The following DLGAP4 variants were observed in gnomAD, a reference collection of about 807,000 sequenced individuals.
The protein encoded by DLGAP4 is DLG associated protein 4.
DLGAP4 carries 18 observed loss-of-function variants against 86.9 expected under a neutral mutation model. The ratio of observed to expected loss-of-function variants is 0.21; its 90% CI spans 0.14 to 0.31. The LOEUF is 0.31. Among genes scored for constraint, DLGAP4 ranks in the 10% least tolerant of loss-of-function variants. The pLI, the probability that DLGAP4 is intolerant of heterozygous loss-of-function variation, is 1.00. For synonymous variants in DLGAP4, 548 were observed against 574.3 expected, an observed-to-expected ratio of 0.95 and a Z score of 0.65; for missense variants, 1,085 against 1,362.6, an observed-to-expected ratio of 0.80 and a Z score of 3.21.
chr20:36,497,215 A>ATT lies in DLGAP4; in HGVS notation c.2010+150_2010+151dup, dbSNP rs112564655. 2.2e-3 allele frequency: 3,244 copies of ATT among 1,447,022 alleles called. 72 individuals carry two copies. In the African/African-American group the frequency reaches 0.042, roughly 19 times the overall value. The allele number at this position is 1,447,022 out of a possible 1,614,324, so 89.6% of individuals were successfully genotyped here. A position where few individuals can be genotyped will look rare whatever the true frequency, so the allele number is the denominator to read the frequency against. On this transcript the variant is annotated intron_variant, in intron 8 of 12. Transcript: ENST00000339266. Reference sequence around the variant, plus strand: ...GATCAGCCCCAAGTGGCCAAACCGAATTCCACCCATAGCCACGCCTCGCTG... The same window carrying ATT: ...GATCAGCCCCAAGTGGCCAAACCGAATTTTCCACCCATAGCCACGCCTCGCTG...
At chr20:36,464,500 G>T (rs375910471) in intron 7 of DLGAP4, among the ~76,000 whole-genome samples, 1 of 152,060 alleles carries the variant, frequency 6.6e-6, no homozygotes, top group East Asian at 1.9e-4. Context: ...AGGTCAGGAG[G>T]TCGAGACTGC....
intron 7 of DLGAP4, among the ~76,000 whole-genome samples, chr20:36,489,306 G>T (rs1270007508): frequency 1.3e-5 from 2 of 152,150 alleles, no homozygotes; most frequent in Admixed American, 6.5e-5. Context: ...TGAAGTACCT[G>T]CTCAGGCCTG....
chr20:36,425,746 A>G (rs1055001552), intron 2 of DLGAP4, among the ~76,000 whole-genome samples: 1 of 152,260 alleles, frequency 6.6e-6, no homozygotes, highest in South Asian at 2.1e-4. Context: ...ACTTGAACCC[A>G]GGAGGCGGAG....
chr20:36,329,807 C>T (rs565374310), intron 1 of DLGAP4, among the ~76,000 whole-genome samples: 6 of 151,884 alleles, frequency 4.0e-5, no homozygotes, highest in Admixed American at 2.0e-4. Flanking sequence ...CCAAGTCAGG[C>T]GGATCACAAG....
chr20:36,424,524 C>T (rs539162848), intron 2 of DLGAP4, among the ~76,000 whole-genome samples: 17 of 152,252 alleles, frequency 1.1e-4, no homozygotes, highest in Non-Finnish European at 2.1e-4. Flanking sequence ...CAGCTCCTAG[C>T]GGGAACTTGG....
chr20:36,310,772 G>A (rs1482420187), intron 1 of DLGAP4, among the ~76,000 whole-genome samples: 1 of 152,178 alleles, frequency 6.6e-6, no homozygotes, highest in African/African-American at 2.4e-5. Flanking sequence ...GCGTGGGGCT[G>A]GCGAGGCTTG....
chr20:36,437,205 C>T (rs1354565540), intron 4 of DLGAP4, among the ~76,000 whole-genome samples: 6 of 152,190 alleles, frequency 3.9e-5, no homozygotes, highest in East Asian at 1.9e-4. Flanking sequence ...GAATTGACCT[C>T]GAAGAGCCCG....
intron 1 of DLGAP4, among the ~76,000 whole-genome samples, chr20:36,355,291 T>C (rs2030290195): frequency 1.3e-5 from 2 of 151,026 alleles, no homozygotes; most frequent in South Asian, 4.2e-4. Flanking sequence ...TTTTTCTTTC[T>C]TTCTTTCTTT....
chr20:36,494,235 C>G lies in DLGAP4; in HGVS notation c.1649-2470C>G, dbSNP rs1487362154. Among the ~76,000 whole-genome samples, 5 of 152,262 alleles carry G rather than the reference C, an allele frequency of 3.3e-5. No individual in the cohort carries two copies. In the East Asian group the frequency reaches 7.7e-4, roughly 24 times the overall value. Reference sequence around the variant, plus strand: ...TGGAACTCAGAGCACTTTGTGGCCTCTGGACTAGGCTGGGCACAAGGCACA... The same window carrying G: ...TGGAACTCAGAGCACTTTGTGGCCTGTGGACTAGGCTGGGCACAAGGCACA... On this transcript the variant is annotated intron_variant, in intron 7 of 12. Coordinates refer to ENST00000339266, the MANE Select transcript of DLGAP4 (RefSeq NM_001365621.2).
At chr20:36,359,455 A>G (rs2030442142) in intron 1 of DLGAP4, among the ~76,000 whole-genome samples, 1 of 152,142 alleles carries the variant, frequency 6.6e-6, no homozygotes, top group African/African-American at 2.4e-5. Flanking sequence ...ATCCGTGCCC[A>G]TGTGTTATTT....
chr20:36,325,490 A>G (rs1303876876), intron 1 of DLGAP4, among the ~76,000 whole-genome samples: 1 of 152,092 alleles, frequency 6.6e-6, no homozygotes, highest in Non-Finnish European at 1.5e-5. Context: ...AATCTTCTGT[A>G]TCCTTATTTA....
At chr20:36,433,971 T>C (rs1020227289) in intron 3 of DLGAP4, among the ~76,000 whole-genome samples, 3 of 147,656 alleles carry the variant, frequency 2.0e-5, no homozygotes, top group African/African-American at 7.6e-5. Flanking sequence ...GAGATGGAGT[T>C]TCACACTTGT....
intron 1 of DLGAP4, among the ~76,000 whole-genome samples, chr20:36,360,501 G>A (rs1475854100): frequency 6.6e-6 from 1 of 152,216 alleles, no homozygotes; most frequent in Non-Finnish European, 1.5e-5. Context: ...CCGTTCTGGT[G>A]TGTGAGCATC....
intron 1 of DLGAP4, among the ~76,000 whole-genome samples, chr20:36,352,026 G>A (rs2030172014): frequency 6.6e-6 from 1 of 152,154 alleles, no homozygotes; most frequent in Admixed American, 6.5e-5. Context: ...GGTCCAGGAA[G>A]GCCTCTCTGA....
At chr20:36,504,753 T>C (rs1045027597) in intron 10 of DLGAP4, among the ~76,000 whole-genome samples, 11 of 152,282 alleles carry the variant, frequency 7.2e-5, no homozygotes, top group African/African-American at 2.7e-4. Context: ...ATTTCCCTTA[T>C]GATATTGAGC....
chr20:36,386,039 C>A (rs1013445196), intron 2 of DLGAP4, among the ~76,000 whole-genome samples: 12 of 152,060 alleles, frequency 7.9e-5, no homozygotes, highest in African/African-American at 2.7e-4. Flanking sequence ...ATAGAGAGAA[C>A]AGGAGGGAAA....
intron 7 of DLGAP4, among the ~76,000 whole-genome samples, chr20:36,490,064 G>T (rs1320601354): frequency 6.6e-6 from 1 of 151,790 alleles, no homozygotes. Context: ...CCCTGTGTTG[G>T]CCAGGCTGGT....
At position 36,415,387 on chromosome 20, in the gene DLGAP4, G is replaced by A. The variant is rs201893620; in HGVS notation, c.-72-16259G>A. Among the ~76,000 whole-genome samples the A allele has an allele frequency of 7.2e-3, 1,095 of 152,318 alleles. 15 individuals are homozygous for A. Among genetic ancestry groups the A allele is most frequent in the African/African-American group, 0.025 (1,058 of 41,576 alleles). Reference sequence around the variant, plus strand: ...CTGCCACCAATATGTTGTGTGACTAGGCCAAATCTCAGTCCCTCTCTGAAC... The same window carrying A: ...CTGCCACCAATATGTTGTGTGACTAAGCCAAATCTCAGTCCCTCTCTGAAC... On this transcript the variant is annotated intron_variant, in intron 2 of 12. Coordinates refer to ENST00000339266, the MANE Select transcript of DLGAP4 (RefSeq NM_001365621.2).
At chr20:36,461,751 G>GGCC in intron 7 of DLGAP4, 1 of 618,840 alleles carries the variant, frequency 1.6e-6, no homozygotes, top group Non-Finnish European at 1.9e-6. Flanking sequence ...CCGTCCGTCC[G>GGCC]CCCGCCCGCC....
Sources: gnomAD v4.1 joint callset for allele counts (sites outside exome capture counted in the v4.1 genomes callset) on GRCh38, gnomAD v4.1.1 for gene constraint, MANE v1.5 for transcripts, NCBI Gene and HGNC (gene_info 2026-07-23, HGNC 2026-07-21) for gene names.